VPS33B: variants seen among roughly 807,000 people sequenced by gnomAD.
VPS33B encodes the protein vacuolar protein sorting-associated protein 33B.
VPS33B carries 80 observed loss-of-function variants against 95.3 expected under a neutral mutation model. That is an observed-to-expected ratio of 0.84 (90% confidence interval 0.70 to 1.01). VPS33B has a LOEUF of 1.01. VPS33B is among the 50% of genes least tolerant of loss of function. The pLI is 0.00. For missense variants in VPS33B, 715 were observed against 773.4 expected, an observed-to-expected ratio of 0.92 and a Z score of 0.90; for synonymous variants, 280 against 280.4, an observed-to-expected ratio of 1.00 and a Z score of 0.01.
Position 91,000,401 on chromosome 15 carries a change from A to AT in VPS33B, c.1581+88_1581+89insA. 4.0e-6 allele frequency: 2 copies of AT among 505,458 alleles called. No homozygotes were observed. The highest frequency in any genetic ancestry group is 2.9e-6 in the Non-Finnish European group (1 of 339,328). 31.3% of individuals were successfully genotyped at this position (505,458 alleles called of 1,614,324 possible). A position where few individuals can be genotyped will look rare whatever the true frequency, so the allele number is the denominator to read the frequency against. On this transcript the variant is annotated intron_variant, in intron 20 of 22. Coordinates refer to ENST00000333371, the MANE Select transcript of VPS33B (RefSeq NM_018668.5). This position sits in a 1 kb window ranked among gnomAD's most constrained non-coding sequence, Gnocchi z 4.9. Reference sequence around the variant, plus strand: ...GACAGAGCAAGACTCCATCTCAAATAAAAAAAAAAAAACATTGAGACACGC... The same window carrying AT: ...GACAGAGCAAGACTCCATCTCAAATATAAAAAAAAAAAACATTGAGACACGC...
At position 91,007,771 on chromosome 15, in the gene VPS33B, A is replaced by G. The variant is rs1380275297; in HGVS notation, c.498+99T>C. 9.5e-6 allele frequency: 12 copies of G among 1,265,004 alleles called. No individual in the cohort carries two copies. In the Middle Eastern group the frequency reaches 1.3e-3, roughly 137 times the overall value. 78.4% of individuals were successfully genotyped at this position (1,265,004 alleles called of 1,614,324 possible). ...ACATCACTATCACTTGTGATAAATTACTTGCGTTGGACAAAGGTTATATTG... is the reference window on the plus strand; with the variant it reads ...ACATCACTATCACTTGTGATAAATTGCTTGCGTTGGACAAAGGTTATATTG... On this transcript the variant is annotated intron_variant, in intron 7 of 22. Transcript: ENST00000333371. The surrounding 1 kb of genome is among the most constrained non-coding windows in gnomAD (Gnocchi z 5.3).
At chr15:91,017,737 T>G in intron 2 of VPS33B, 68 bp downstream of exon 2, 2 of 1,448,772 alleles carry the variant, frequency 1.4e-6, no homozygotes, top group East Asian at 4.5e-5. Flanking sequence ...TCTTCAGTAG[T>G]TTGTATTGTT....
chr15:91,017,791 G>C lies in VPS33B; in HGVS notation c.177+14C>G, dbSNP rs780061959. 1.9e-6 allele frequency: 3 copies of C among 1,613,674 alleles called. No individual in the cohort carries two copies. Among genetic ancestry groups the C allele is most frequent in the Non-Finnish European group, 2.5e-6 (3 of 1,179,576 alleles). On this transcript the variant is annotated intron_variant, in intron 2 of 22. Transcript: ENST00000333371. ...TTAAAGAGGGGCATGGCCCCCAGGG[G>C]AAAGGGACAGTACCTTCAGGATGGA...
rs529045708 is a variant in VPS33B at position 91,013,206 on chromosome 15, G to T, written c.357+598C>A. Among the ~76,000 whole-genome samples, 2 of 152,328 alleles carry T rather than the reference G, an allele frequency of 1.3e-5. No individual in the cohort carries two copies. Among genetic ancestry groups the T allele is most frequent in the Admixed American group, 1.3e-4 (2 of 15,300 alleles). The stretch of plus-strand genomic sequence containing the variant: ...TTCATTTAAAAAAATCTACGTAGAG[G>T]CCTCTTCGCACAATTCCACAATACT... On this transcript the variant is annotated intron_variant, in intron 5 of 22. Transcript: ENST00000333371. This position sits in a 1 kb window ranked among gnomAD's most constrained non-coding sequence, Gnocchi z 4.5.
intron 3 of VPS33B, among the ~76,000 whole-genome samples, chr15:91,014,652 A>G (rs1168498519): frequency 6.6e-6 from 1 of 152,200 alleles, no homozygotes; most frequent in Non-Finnish European, 1.5e-5. Context: ...TACTGGCCCT[A>G]TGGTGGACCC....
At chr15:91,001,340 A>G in intron 19 of VPS33B, 49 bp downstream of exon 19, 6 of 1,356,236 alleles carry the variant, frequency 4.4e-6, no homozygotes, top group Non-Finnish European at 6.3e-6. Context: ...AAAGTACTCC[A>G]CAATGGAATG....
Position 91,013,691 on chromosome 15 carries a change from T to C in VPS33B, c.357+113A>G. 2 of 1,095,702 alleles carry C rather than the reference T, an allele frequency of 1.8e-6. No homozygotes were observed. Among genetic ancestry groups the C allele is most frequent in the Non-Finnish European group, 2.8e-6 (2 of 714,258 alleles). The allele number at this position is 1,095,702 out of a possible 1,614,324, so 67.9% of individuals were successfully genotyped here. A position where few individuals can be genotyped will look rare whatever the true frequency, so the allele number is the denominator to read the frequency against. Reference sequence around the variant, plus strand: ...AATTACCTAGTCTCAGGTATTCTGTTACAGCAACAGAAAACGAACGGAGAC... The same window carrying C: ...AATTACCTAGTCTCAGGTATTCTGTCACAGCAACAGAAAACGAACGGAGAC... On this transcript the variant is annotated intron_variant, in intron 5 of 22. Transcript: ENST00000333371. This position sits in a 1 kb window ranked among gnomAD's most constrained non-coding sequence, Gnocchi z 4.5.
rs1384527434 is a variant in VPS33B at position 91,022,557 on chromosome 15, G to A, written c.-308C>T. The A allele has an allele frequency of 1.9e-5, 5 of 262,648 alleles. No individual in the cohort carries two copies. In the East Asian group the frequency reaches 1.9e-4, roughly 10 times the overall value. The allele number at this position is 262,648 out of a possible 1,614,324, so 16.3% of individuals were successfully genotyped here. On this transcript the variant is annotated 5_prime_UTR_variant, in exon 1 of 23. Coordinates refer to ENST00000333371, the MANE Select transcript of VPS33B (RefSeq NM_018668.5). ...CCCGCAGAGACTCCGCAGCGTACGAGGAGAACCCCGCCTTCTACCAGAAAA... is the reference window on the plus strand; with the variant it reads ...CCCGCAGAGACTCCGCAGCGTACGAAGAGAACCCCGCCTTCTACCAGAAAA...
At chr15:91,012,403 G>A (rs541793411) in intron 5 of VPS33B, among the ~76,000 whole-genome samples, 7 of 152,114 alleles carry the variant, frequency 4.6e-5, no homozygotes, top group Non-Finnish European at 1.0e-4. Flanking sequence ...TAAATTAAAA[G>A]ATAAGTACTA....
At chr15:91,016,908 G>A in intron 3 of VPS33B, 55 bp downstream of exon 3, 1 of 1,546,166 alleles carries the variant, frequency 6.5e-7, no homozygotes, top group Non-Finnish European at 8.9e-7. Context: ...AGGCAGACGT[G>A]CCCCTAGGGA....
chr15:91,015,565 A>G lies in VPS33B; in HGVS notation c.240-1132T>C, dbSNP rs1054676270. ...CAAGGTGGCAGGCGCCTGTAATCAC[A>G]GCTACTTGGGAGGCTAAGAAGAATT... is the stretch of plus-strand genomic sequence containing the variant. On this transcript the variant is annotated intron_variant, in intron 3 of 22. Transcript: ENST00000333371. This position sits in a 1 kb window ranked among gnomAD's most constrained non-coding sequence, Gnocchi z 4.7. Among the ~76,000 whole-genome samples, 19 of 152,112 alleles carry G rather than the reference A, an allele frequency of 1.2e-4. No individual in the cohort carries two copies. The East Asian group carries it at 2.9e-3, about 23-fold the overall frequency.
At position 91,022,418 on chromosome 15, in the gene VPS33B, C is replaced by T; in HGVS notation, c.-169G>A. The stretch of plus-strand genomic sequence containing the variant: ...CAGCACTCCAGGAATGAATGGCCAC[C>T]TCCAGGCAAGAGAGCTACTACCTCG... On this transcript the variant is annotated 5_prime_UTR_variant, in exon 1 of 23. Transcript: ENST00000333371. The T allele has an allele frequency of 1.6e-6, 1 of 613,416 alleles. No individual in the cohort carries two copies. Among genetic ancestry groups the T allele is most frequent in the Non-Finnish European group, 2.8e-6 (1 of 356,076 alleles). The allele number at this position is 613,416 out of a possible 1,614,324, so 38.0% of individuals were successfully genotyped here.
In VPS33B at chr15:91,005,205, T is replaced by C. The variant is rs985545801; in HGVS notation, c.1106-86A>G. 1 of 1,612,834 alleles carries C rather than the reference T, an allele frequency of 6.2e-7. No homozygotes were observed. The highest frequency in any genetic ancestry group is 8.5e-7 in the Non-Finnish European group (1 of 1,179,744). ...TAACAGGTGTCTGTCTCCCCATCTC[T>C]TTCTCCATCCTTGGGGTGGGTTAAG... On this transcript the variant is annotated intron_variant, in intron 14 of 22. Coordinates refer to ENST00000333371, the MANE Select transcript of VPS33B (RefSeq NM_018668.5). The surrounding 1 kb of genome is among the most constrained non-coding windows in gnomAD (Gnocchi z 6.4).
chr15:91,006,810 T>C lies in VPS33B; in HGVS notation c.701-81A>G, dbSNP rs2151671095. 6.3e-7 allele frequency: 1 copy of C among 1,595,886 alleles called. No individual in the cohort carries two copies. Among genetic ancestry groups the C allele is most frequent in the Admixed American group, 1.7e-5 (1 of 59,874 alleles). On this transcript the variant is annotated intron_variant, in intron 9 of 22. Transcript: ENST00000333371. This position sits in a 1 kb window ranked among gnomAD's most constrained non-coding sequence, Gnocchi z 5.4. ...CATGTCCAAGGGCAGCTTTGATACT[T>C]TCCATAGGGCCAAGGACCCACGCTC...
Position 91,002,933 on chromosome 15 carries a change from G to C in VPS33B, c.1272+152C>G. The C allele has an allele frequency of 1.2e-6, 1 of 846,306 alleles. No individual in the cohort carries two copies. Among genetic ancestry groups the C allele is most frequent in the Non-Finnish European group, 2.0e-6 (1 of 494,184 alleles). The allele number at this position is 846,306 out of a possible 1,614,324, so 52.4% of individuals were successfully genotyped here. A position where few individuals can be genotyped will look rare whatever the true frequency, so the allele number is the denominator to read the frequency against. On this transcript the variant is annotated intron_variant, in intron 17 of 22. Transcript: ENST00000333371. The surrounding 1 kb of genome is among the most constrained non-coding windows in gnomAD (Gnocchi z 4.7). The stretch of plus-strand genomic sequence containing the variant: ...AGAGGGCAGAGAGGCGTGCTGAAAG[G>C]TGACTCTCCCTAGTAGCTCTAAGAG...
rs2041130213 is a variant in VPS33B at position 91,022,351 on chromosome 15, G to A, written c.-102C>T. The A allele has an allele frequency of 2.4e-6, 3 of 1,236,336 alleles. No homozygotes were observed. The highest frequency in any genetic ancestry group is 5.2e-5 in the East Asian group (2 of 38,608). The allele number at this position is 1,236,336 out of a possible 1,614,324, so 76.6% of individuals were successfully genotyped here. On this transcript the variant is annotated 5_prime_UTR_variant, in exon 1 of 23. Transcript: ENST00000333371. ...AAGGGGGGCTATCCTTCAGGCCTGG[G>A]CACCGACTTCCAGAGACCCCAGATG... is the stretch of plus-strand genomic sequence containing the variant.
rs2040469680 is a variant in VPS33B, at chr15:91,002,571, A to T, written c.1273-389T>A. Reference sequence around the variant, plus strand: ...CTTGAACCTAGGAGGCAGAGGCTGCAGTGAGTGGAGATCGCGCCACTGCAC... The same window carrying T: ...CTTGAACCTAGGAGGCAGAGGCTGCTGTGAGTGGAGATCGCGCCACTGCAC... On this transcript the variant is annotated intron_variant, in intron 17 of 22. Transcript: ENST00000333371. The surrounding 1 kb of genome is among the most constrained non-coding windows in gnomAD (Gnocchi z 4.7). Among the ~76,000 whole-genome samples, 2 of 151,648 alleles carry T rather than the reference A, an allele frequency of 1.3e-5. No individual in the cohort carries two copies. Among genetic ancestry groups the T allele is most frequent in the South Asian group, 4.2e-4 (2 of 4,802 alleles).
rs2040390354 is a variant in VPS33B, at chr15:91,000,011, A to G, written c.1582-36T>C. 1 of 1,612,738 alleles carries G rather than the reference A, an allele frequency of 6.2e-7. No individual in the cohort carries two copies. Among genetic ancestry groups the G allele is most frequent in the South Asian group, 1.1e-5 (1 of 91,006 alleles). On this transcript the variant is annotated intron_variant, in intron 20 of 22. Coordinates refer to ENST00000333371, the MANE Select transcript of VPS33B (RefSeq NM_018668.5). The surrounding 1 kb of genome is among the most constrained non-coding windows in gnomAD (Gnocchi z 4.9). ...GTAAGCACTGTTTTTAAGGCTACAG[A>G]CAGTATCAGGCTTAGGAAAGGAAGG... is the stretch of plus-strand genomic sequence containing the variant.
intron 16 of VPS33B, among the ~76,000 whole-genome samples, chr15:91,003,674 A>AG: frequency 2.0e-5 from 3 of 152,022 alleles, no homozygotes; most frequent in Non-Finnish European, 2.9e-5. Flanking sequence ...TCCTGATCTC[A>AG]AGATCCGCCT....
Sources: gnomAD v4.1 joint callset for allele counts (sites outside exome capture counted in the v4.1 genomes callset) on GRCh38, gnomAD v4.1.1 for gene constraint, Gnocchi (gnomAD v3.1) non-coding constraint, MANE v1.5 for transcripts, NCBI Gene and HGNC (gene_info 2026-07-23, HGNC 2026-07-21) for gene names.